RSC1A1: variants seen among roughly 807,000 people sequenced by gnomAD.
RSC1A1 encodes regulator of solute carriers 1.
In RSC1A1, 6 loss-of-function variants were observed where a neutral mutation model predicts 7.7. The ratio of observed to expected loss-of-function variants is 0.78; its 90% CI spans 0.43 to 1.53. RSC1A1 has a LOEUF of 1.53. Among genes scored for constraint, RSC1A1 ranks in the 40% most tolerant of loss-of-function variants. RSC1A1 has a pLI of 0.01. For missense variants in RSC1A1, 729 were observed against 726.3 expected (o/e 1.00, Z -0.04); for synonymous variants, 250 against 263.0 (o/e 0.95, Z 0.48).
chr1:15,660,628 G>A lies in RSC1A1; in HGVS notation c.760G>A (p.Ala254Thr), dbSNP rs551392380. Reference sequence around the variant, plus strand: ...AGAAACATTTATGGAAATCGATACAGCTCAACAGTCCCTAGTTACTTTGCT... The same window carrying A: ...AGAAACATTTATGGAAATCGATACAACTCAACAGTCCCTAGTTACTTTGCT... ...NSETFMEIDT[A>T]QQSLVTLLNS... Residue 254 changes from alanine to threonine, a missense_variant, in exon 1 of 1, where the codon GCT (alanine) becomes ACT (threonine). By Grantham distance (58) the Ala-to-Thr change is moderately conservative. Coordinates refer to ENST00000345034, the MANE Select transcript of RSC1A1 (RefSeq NM_006511.3). 5.0e-6 allele frequency: 8 copies of A among 1,614,172 alleles called. No individual in the cohort carries two copies. Among genetic ancestry groups the A allele is most frequent in the Non-Finnish European group, 6.8e-6 (8 of 1,180,038 alleles).
chr1:15,660,411 A>G lies in RSC1A1; in HGVS notation c.543A>G (p.Gln181=). ...ATGAACAGTATGAGGTTGCACAACAAAAAGCTTCACATGACCAAGAATATC... is the reference window on the plus strand; with the variant it reads ...ATGAACAGTATGAGGTTGCACAACAGAAAGCTTCACATGACCAAGAATATC... ...PGNEQYEVAQ[Q]KASHDQEYLC... is the part of the protein sequence containing the mutation. Residue 181 remains glutamine, a synonymous_variant, in exon 1 of 1, where the codon CAA becomes CAG. Transcript: ENST00000345034. 2 of 1,614,010 alleles carry G rather than the reference A, an allele frequency of 1.2e-6. No homozygotes were observed. Among genetic ancestry groups the G allele is most frequent in the East Asian group, 2.2e-5 (1 of 44,888 alleles).
chr1:15,659,923 C>A lies in RSC1A1; in HGVS notation c.55C>A (p.Gln19Lys). Residue 19 changes from glutamine to lysine, a missense_variant, in exon 1 of 1, where the codon CAG becomes AAG. Gln to Lys is a moderately conservative substitution (Grantham distance 53). Transcript: ENST00000345034. ...TAACCATCCCGCCCGTTCTTCAGGA[C>A]AGAGTCCTGATGTTGGTAATCCTAT... ...GFNHPARSSGQSPDVGNPMSL... is the reference protein window; with the variant it reads ...GFNHPARSSGKSPDVGNPMSL... 6.2e-7 allele frequency: 1 copy of A among 1,611,748 alleles called. No homozygotes were observed.
Position 15,660,408 on chromosome 1 carries a change from A to C in RSC1A1, c.540A>C (p.Gln180His), listed in dbSNP as rs746698062. 5 of 1,614,008 alleles carry C rather than the reference A, an allele frequency of 3.1e-6. No individual in the cohort carries two copies. The East Asian group carries it at 1.1e-4, about 36-fold the overall frequency. The change falls in exon 1 of 1, where the codon CAA becomes CAC. Residue 180 changes from glutamine (Q) to histidine (H), a missense_variant. By Grantham distance (24) the Gln-to-His change is conservative. Transcript: ENST00000345034. Reference protein sequence around the residue: ...EPGNEQYEVAQQKASHDQEYL... With the variant: ...EPGNEQYEVAHQKASHDQEYL... ...GGAATGAACAGTATGAGGTTGCACA[A>C]CAAAAAGCTTCACATGACCAAGAAT...
rs1640378013 is a variant in RSC1A1, at chr1:15,661,473, G to T, written c.1605G>T (p.Arg535Ser). ...GQGIQNSVTDRPETRENVCPD... is the reference protein window; with the variant it reads ...GQGIQNSVTDSPETRENVCPD... ...GCATACAGAATTCAGTAACAGACAG[G>T]CCTGAAACCAGAGAAAATGTCTGTC... is the stretch of plus-strand genomic sequence containing the variant. The change falls in exon 1 of 1, where the codon AGG becomes AGT. Residue 535 changes from arginine to serine, a missense_variant. By Grantham distance (110) the Arg-to-Ser change is moderately radical. Transcript: ENST00000345034. The T allele has an allele frequency of 1.2e-6, 2 of 1,613,752 alleles. No individual in the cohort carries two copies. Among genetic ancestry groups the T allele is most frequent in the Non-Finnish European group, 1.7e-6 (2 of 1,179,870 alleles).
Position 15,661,556 on chromosome 1 carries a change from G to A in RSC1A1, c.1688G>A (p.Ser563Asn). The A allele has an allele frequency of 2.5e-6, 4 of 1,614,134 alleles. No homozygotes were observed. Among genetic ancestry groups the A allele is most frequent in the Non-Finnish European group, 2.5e-6 (3 of 1,180,028 alleles). ...CCACCTACCAGCCATCCATCATCAA[G>A]TCCTGCCATTCTTCCACCATTGATT... Reference protein sequence around the residue: ...YEPPTSHPSSSPAILPPLIFP... With the variant: ...YEPPTSHPSSNPAILPPLIFP... The change falls in exon 1 of 1, where the codon AGT becomes AAT. Residue 563 changes from serine to asparagine, a missense_variant. Transcript: ENST00000345034.
Position 15,660,267 on chromosome 1 carries a change from A to T in RSC1A1, c.399A>T (p.Leu133Phe). Residue 133 changes from leucine to phenylalanine, a missense_variant, in exon 1 of 1, where the codon TTA becomes TTT. Physicochemically the swap from Leu to Phe is conservative, Grantham distance 22 (BLOSUM62 0). Transcript: ENST00000345034. ...FHLHTRQEAS[L>F]SVTSTRMHEP... ...TCCATACAAGACAGGAAGCTAGTTTATCTGTCACATCTACTAGGATGCATG... is the reference window on the plus strand; with the variant it reads ...TCCATACAAGACAGGAAGCTAGTTTTTCTGTCACATCTACTAGGATGCATG... 1 of 1,614,212 alleles carries T rather than the reference A, an allele frequency of 6.2e-7. No homozygotes were observed. The highest frequency in any genetic ancestry group is 2.2e-5 in the East Asian group (1 of 44,892).
In RSC1A1 at chr1:15,661,935, T is replaced by A. The variant is rs1277815593; in HGVS notation, c.*213T>A. ...ATTTGTCTATCCTACTTGTTAAAAT[T>A]TAGGCCTTTTTAAATGTATTGGCAG... On this transcript the variant is annotated 3_prime_UTR_variant, in exon 1 of 1. Transcript: ENST00000345034. 1 of 639,610 alleles carries A rather than the reference T, an allele frequency of 1.6e-6. No individual in the cohort carries two copies. Among genetic ancestry groups the A allele is most frequent in the Non-Finnish European group, 2.4e-6 (1 of 421,854 alleles). 39.6% of individuals were successfully genotyped at this position (639,610 alleles called of 1,614,324 possible). A position where few individuals can be genotyped will look rare whatever the true frequency, so the allele number is the denominator to read the frequency against.
At position 15,661,755 on chromosome 1, in the gene RSC1A1, C is replaced by G. The variant is rs998257743; in HGVS notation, c.*33C>G. The G allele has an allele frequency of 5.8e-6, 9 of 1,560,050 alleles. No individual in the cohort carries two copies. Among genetic ancestry groups the G allele is most frequent in the Non-Finnish European group, 6.9e-6 (8 of 1,154,836 alleles). ...AAAGTGGGCTAGACCGTTCTCCATT[C>G]CCTTTAAACAAAAGAAAGCTCTCTC... On this transcript the variant is annotated 3_prime_UTR_variant, in exon 1 of 1. Coordinates refer to ENST00000345034, the MANE Select transcript of RSC1A1 (RefSeq NM_006511.3).
rs1348384137 is a variant in RSC1A1 at position 15,661,425 on chromosome 1, A to G, written c.1557A>G (p.Ile519Met). The G allele has an allele frequency of 2.5e-6, 4 of 1,614,136 alleles. No individual in the cohort carries two copies. Among genetic ancestry groups the G allele is most frequent in the Non-Finnish European group, 2.5e-6 (3 of 1,180,024 alleles). The change falls in exon 1 of 1, where the codon ATA becomes ATG. Residue 519 changes from isoleucine (I) to methionine (M), a missense_variant. By Grantham distance (10) the Ile-to-Met change is conservative (BLOSUM62 1). Transcript: ENST00000345034. ...EQTKSLSSNF[I>M]LVKDLGQGIQ... ...CTAAGTCTTTGTCATCCAATTTCAT[A>G]TTGGTTAAAGACTTAGGTCAGGGCA...
chr1:15,661,900 T>TG lies in RSC1A1; in HGVS notation c.*179dup, dbSNP rs2148309574. ...TCGGCCAAAGTAATTTATGATCTTT[T>TG]GTCTGATGAATTTGTCTATCCTACT... On this transcript the variant is annotated 3_prime_UTR_variant, in exon 1 of 1. Coordinates refer to ENST00000345034, the MANE Select transcript of RSC1A1 (RefSeq NM_006511.3). 4.4e-6 allele frequency: 4 copies of TG among 906,782 alleles called. No homozygotes were observed. The highest frequency in any genetic ancestry group is 6.1e-6 in the Non-Finnish European group (4 of 651,008). 56.2% of individuals were successfully genotyped at this position (906,782 alleles called of 1,614,324 possible). A position where few individuals can be genotyped will look rare whatever the true frequency, so the allele number is the denominator to read the frequency against.
At position 15,661,624 on chromosome 1, in the gene RSC1A1, A is replaced by G; in HGVS notation, c.1756A>G (p.Thr586Ala). The G allele has an allele frequency of 1.2e-6, 2 of 1,614,096 alleles. No homozygotes were observed. The highest frequency in any genetic ancestry group is 2.2e-5 in the East Asian group (1 of 44,886). ...DIDRILRAGF[T>A]LQEALGALHR... is the part of the protein sequence containing the mutation. ...TGACCGCATTCTCCGTGCTGGCTTT[A>G]CTTTGCAGGAAGCTCTTGGAGCTTT... The change falls in exon 1 of 1, where the codon ACT (threonine) becomes GCT (alanine). Residue 586 changes from threonine to alanine, a missense_variant. Physicochemically the swap from Thr to Ala is moderately conservative, Grantham distance 58. Coordinates refer to ENST00000345034, the MANE Select transcript of RSC1A1 (RefSeq NM_006511.3).
chr1:15,659,856 TA>T lies in RSC1A1; in HGVS notation c.-12del. 1.2e-5 allele frequency: 19 copies of T among 1,548,130 alleles called. No individual in the cohort carries two copies. Among genetic ancestry groups the T allele is most frequent in the Non-Finnish European group, 1.6e-5 (19 of 1,152,504 alleles). On this transcript the variant is annotated 5_prime_UTR_variant, in exon 1 of 1. Coordinates refer to ENST00000345034, the MANE Select transcript of RSC1A1 (RefSeq NM_006511.3). ...ATATAGAGAAAAGTGGTAAAGAATC[TA>T]CCTCACTGGGAATGTCATCATTACC...
In RSC1A1 at chr1:15,659,857, A is replaced by G. The variant is rs1173293551; in HGVS notation, c.-12A>G. ...TATAGAGAAAAGTGGTAAAGAATCTACCTCACTGGGAATGTCATCATTACC... is the reference window on the plus strand; with the variant it reads ...TATAGAGAAAAGTGGTAAAGAATCTGCCTCACTGGGAATGTCATCATTACC... On this transcript the variant is annotated 5_prime_UTR_variant, in exon 1 of 1. Coordinates refer to ENST00000345034, the MANE Select transcript of RSC1A1 (RefSeq NM_006511.3). 8.4e-6 allele frequency: 13 copies of G among 1,550,570 alleles called. No individual in the cohort carries two copies. Among genetic ancestry groups the G allele is most frequent in the Non-Finnish European group, 1.1e-5 (13 of 1,153,570 alleles).
Position 15,660,920 on chromosome 1 carries a change from C to A in RSC1A1, c.1052C>A (p.Ser351Tyr). The A allele has an allele frequency of 6.2e-7, 1 of 1,613,606 alleles. No homozygotes were observed. The highest frequency in any genetic ancestry group is 8.5e-7 in the Non-Finnish European group (1 of 1,179,806). ...SVESAEESCPSITAALKELHE... is the reference protein window; with the variant it reads ...SVESAEESCPYITAALKELHE... Reference sequence around the variant, plus strand: ...GAGTCAGCAGAAGAATCTTGCCCGTCTATAACGGCAGCCTTGAAAGAACTT... The same window carrying A: ...GAGTCAGCAGAAGAATCTTGCCCGTATATAACGGCAGCCTTGAAAGAACTT... The change falls in exon 1 of 1, where the codon TCT (serine) becomes TAT (tyrosine). Residue 351 changes from serine (S) to tyrosine (Y), a missense_variant. Physicochemically the swap from Ser to Tyr is moderately radical, Grantham distance 144. Coordinates refer to ENST00000345034, the MANE Select transcript of RSC1A1 (RefSeq NM_006511.3).
Position 15,661,462 on chromosome 1 carries a change from G to A in RSC1A1, c.1594G>A (p.Val532Ile). ...KDLGQGIQNS[V>I]TDRPETRENV... The stretch of plus-strand genomic sequence containing the variant: ...CTTAGGTCAGGGCATACAGAATTCA[G>A]TAACAGACAGGCCTGAAACCAGAGA... The change falls in exon 1 of 1, where the codon GTA becomes ATA. Residue 532 changes from valine (V) to isoleucine (I), a missense_variant. Val to Ile is a conservative substitution (Grantham distance 29, BLOSUM62 3). Coordinates refer to ENST00000345034, the MANE Select transcript of RSC1A1 (RefSeq NM_006511.3). 1 of 1,614,026 alleles carries A rather than the reference G, an allele frequency of 6.2e-7. No homozygotes were observed. The highest frequency in any genetic ancestry group is 8.5e-7 in the Non-Finnish European group (1 of 1,179,902).
In RSC1A1 at chr1:15,660,092, A is replaced by C; in HGVS notation, c.224A>C (p.Gln75Pro). 1.9e-6 allele frequency: 3 copies of C among 1,614,104 alleles called. No homozygotes were observed. The highest frequency in any genetic ancestry group is 2.5e-6 in the Non-Finnish European group (3 of 1,179,998). Residue 75 changes from glutamine (Q) to proline (P), a missense_variant, in exon 1 of 1, where the codon CAA becomes CCA. By Grantham distance (76) the Gln-to-Pro change is moderately conservative. Coordinates refer to ENST00000345034, the MANE Select transcript of RSC1A1 (RefSeq NM_006511.3). ...NSEKKEHLSL[Q>P]DLSDHASSAD... ...GAAAAGAAAGAACATCTTTCTTTACAAGATCTTTCTGATCATGCTTCCTCA... is the reference window on the plus strand; with the variant it reads ...GAAAAGAAAGAACATCTTTCTTTACCAGATCTTTCTGATCATGCTTCCTCA...
Position 15,661,813 on chromosome 1 carries a change from A to G in RSC1A1, c.*91A>G, listed in dbSNP as rs1640388262. 6.9e-7 allele frequency: 1 copy of G among 1,439,966 alleles called. No individual in the cohort carries two copies. The highest frequency in any genetic ancestry group is 9.2e-7 in the Non-Finnish European group (1 of 1,089,402). The allele number at this position is 1,439,966 out of a possible 1,614,324, so 89.2% of individuals were successfully genotyped here. A position where few individuals can be genotyped will look rare whatever the true frequency, so the allele number is the denominator to read the frequency against. ...ACGCACACATACACACTCACCACAT[A>G]TACAGTATATATAGAAACCTGCAAG... On this transcript the variant is annotated 3_prime_UTR_variant, in exon 1 of 1. Coordinates refer to ENST00000345034, the MANE Select transcript of RSC1A1 (RefSeq NM_006511.3).
At position 15,661,198 on chromosome 1, in the gene RSC1A1, G is replaced by A; in HGVS notation, c.1330G>A (p.Val444Ile). 1.2e-6 allele frequency: 2 copies of A among 1,614,182 alleles called. No homozygotes were observed. Among genetic ancestry groups the A allele is most frequent in the African/African-American group, 1.3e-5 (1 of 75,058 alleles). ...CACTGGAAGAGAAGCTGTAGAAAAT[G>A]TAAACTTCAGGAGTCTAGGTGATGG... ...SDTGREAVEN[V>I]NFRSLGDGLS... The change falls in exon 1 of 1, where the codon GTA (valine) becomes ATA (isoleucine). Residue 444 changes from valine (V) to isoleucine (I), a missense_variant. Physicochemically the swap from Val to Ile is conservative, Grantham distance 29. Transcript: ENST00000345034.
chr1:15,661,805 C>G lies in RSC1A1; in HGVS notation c.*83C>G. ...CTATATACACGCACACATACACACTCACCACATATACAGTATATATAGAAA... is the reference window on the plus strand; with the variant it reads ...CTATATACACGCACACATACACACTGACCACATATACAGTATATATAGAAA... On this transcript the variant is annotated 3_prime_UTR_variant, in exon 1 of 1. Transcript: ENST00000345034. 6.8e-7 allele frequency: 1 copy of G among 1,468,752 alleles called. No individual in the cohort carries two copies. Among genetic ancestry groups the G allele is most frequent in the Non-Finnish European group, 9.0e-7 (1 of 1,106,534 alleles). The allele number at this position is 1,468,752 out of a possible 1,614,324, so 91.0% of individuals were successfully genotyped here. A position where few individuals can be genotyped will look rare whatever the true frequency, so the allele number is the denominator to read the frequency against.
Sources: gnomAD v4.1 joint callset for allele counts on GRCh38, gnomAD v4.1.1 for gene constraint, MANE v1.5 for transcripts, NCBI Gene and HGNC (gene_info 2026-07-23, HGNC 2026-07-21) for gene names.